Variants in ATG3 observed in about 807,000 individuals in gnomAD.
The protein encoded by ATG3 is autophagy related 3.
A neutral mutation model predicts 50.7 loss-of-function variants in ATG3; 25 were observed. The ratio of observed to expected loss-of-function variants is 0.49; its 90% CI spans 0.36 to 0.69. The LOEUF (loss-of-function observed/expected upper bound fraction) is 0.69. Among genes scored for constraint, ATG3 ranks in the 30% least tolerant of loss-of-function variants. The pLI, the probability that ATG3 is intolerant of heterozygous loss-of-function variation, is 0.00. For synonymous variants in ATG3, 119 were observed against 125.5 expected (o/e 0.95, Z 0.34); for missense variants, 281 against 376.0 (o/e 0.75, Z 2.09).
chr3:112,536,396 T>C (rs751469094), intron 10 of ATG3, 79 bp downstream of exon 10: 6 of 1,544,642 alleles, frequency 3.9e-6, no homozygotes, highest in Non-Finnish European at 5.3e-6. Context: ...TAGGGTTCTA[T>C]GTTTAAAGAT....
chr3:112,560,943 C>T (rs1253020016), intron 1 of ATG3, among the ~76,000 whole-genome samples: 1 of 152,092 alleles, frequency 6.6e-6, no homozygotes, highest in Non-Finnish European at 1.5e-5. Flanking sequence ...GATAATGTTG[C>T]CAATTTCACC....
chr3:112,549,804 A>C (rs565463930), intron 4 of ATG3, among the ~76,000 whole-genome samples: 23,619 of 150,648 alleles, frequency 0.16, 4,421 homozygotes, highest in African/African-American at 0.44. Context: ...CAACCAAAAA[A>C]AAAAAAAAAA....
chr3:112,552,654 T>A (rs1178510675), intron 3 of ATG3, among the ~76,000 whole-genome samples: 1 of 149,884 alleles, frequency 6.7e-6, no homozygotes, highest in Non-Finnish European at 1.5e-5. Flanking sequence ...CAAAAATTTT[T>A]TTTTTTTTTT....
intron 4 of ATG3, among the ~76,000 whole-genome samples, chr3:112,549,797 CCA>C (rs1559846842): frequency 1.1e-3 from 28 of 26,416 alleles, no homozygotes; most frequent in African/African-American, 3.7e-3. Context: ...CTCAAAACAA[CCA>C]AAAAAAAAAA....
chr3:112,543,941 T>TA, intron 6 of ATG3, 116 bp downstream of exon 6: 3 of 712,866 alleles, frequency 4.2e-6, no homozygotes, highest in Non-Finnish European at 6.5e-6. Flanking sequence ...AGCTTGATAA[T>TA]AAAAAACCAG....
intron 9 of ATG3, 99 bp downstream of exon 9, chr3:112,537,636 T>C (rs1409961868): frequency 1.1e-6 from 1 of 887,772 alleles, no homozygotes; most frequent in African/African-American, 1.7e-5. Flanking sequence ...TTCCAAAATG[T>C]GAAACACTGC....
chr3:112,534,183 T>C (rs774621761), intron 11 of ATG3, 86 bp downstream of exon 11: 18 of 1,548,126 alleles, frequency 1.2e-5, no homozygotes, highest in Admixed American at 4.3e-5. Flanking sequence ...TTATAGCTAC[T>C]GTATCATTAA....
chr3:112,557,358 G>A (rs1459769886), intron 2 of ATG3, among the ~76,000 whole-genome samples: 4 of 151,730 alleles, frequency 2.6e-5, no homozygotes, highest in East Asian at 2.0e-4. Context: ...ACAAGGAGCC[G>A]GGCGCAGTGG....
chr3:112,545,843 G>T (rs1020311273), intron 5 of ATG3, among the ~76,000 whole-genome samples: 5 of 152,134 alleles, frequency 3.3e-5, no homozygotes, highest in African/African-American at 1.2e-4. Context: ...GCACCCAGAT[G>T]TTTGGTCAAA....
chr3:112,561,715 C>T lies in ATG3; in HGVS notation c.-187G>A, dbSNP rs1933895771. ...AGGGGGCGGGGCGGCAGGCACAGCG[C>T]GCGAAGACGGGGTGCGCGATCCTCG... On this transcript the variant is annotated 5_prime_UTR_variant, in exon 1 of 12. Coordinates refer to ENST00000283290, the MANE Select transcript of ATG3 (RefSeq NM_022488.5). 6.6e-6 allele frequency: 4 copies of T among 605,870 alleles called. No homozygotes were observed. The highest frequency in any genetic ancestry group is 3.2e-5 in the East Asian group (1 of 31,532). The allele number at this position is 605,870 out of a possible 1,614,324, so 37.5% of individuals were successfully genotyped here. A position where few individuals can be genotyped will look rare whatever the true frequency, so the allele number is the denominator to read the frequency against.
chr3:112,548,819 G>T (rs1220664695), intron 4 of ATG3, among the ~76,000 whole-genome samples, 179 bp from the exon 5 acceptor site: 1 of 152,142 alleles, frequency 6.6e-6, no homozygotes, highest in Admixed American at 6.5e-5. Context: ...ATAATTATTT[G>T]GCTACATTTA....
Position 112,541,991 on chromosome 3 carries a change from A to G in ATG3, c.394-107T>C, listed in dbSNP as rs569564481. The G allele has an allele frequency of 1.2e-4, 97 of 792,670 alleles. 1 individual carries two copies. The South Asian group carries it at 2.0e-3, about 16-fold the overall frequency. 49.1% of individuals were successfully genotyped at this position (792,670 alleles called of 1,614,324 possible). On this transcript the variant is annotated intron_variant, in intron 6 of 11. Coordinates refer to ENST00000283290, the MANE Select transcript of ATG3 (RefSeq NM_022488.5). ...AACCACTGTGAAAATAAGAATGACA[A>G]GGCAGTTCTTGTCCACAAAAACCTT...
At chr3:112,550,322 C>G (rs1007486011) in intron 3 of ATG3, 60 bp from the exon 4 acceptor site, 12 of 1,280,360 alleles carry the variant, frequency 9.4e-6, no homozygotes, top group South Asian at 2.5e-5. Context: ...AAATATACAG[C>G]AGAAAGTATT....
intron 11 of ATG3, chr3:112,533,400 G>A: frequency 1.0e-6 from 1 of 985,218 alleles, no homozygotes; most frequent in Non-Finnish European, 1.2e-6. Context: ...CAGCAGAGAT[G>A]TGCCAGTTAG....
intron 7 of ATG3, among the ~76,000 whole-genome samples, chr3:112,540,124 G>A (rs1933186606): frequency 1.3e-5 from 2 of 152,218 alleles, no homozygotes; most frequent in South Asian, 4.1e-4. Flanking sequence ...TGAGGCTGCT[G>A]TGATCAATTT....
intron 1 of ATG3, among the ~76,000 whole-genome samples, chr3:112,560,871 G>T (rs535976856): frequency 6.6e-6 from 1 of 152,282 alleles, no homozygotes; most frequent in South Asian, 2.1e-4. Context: ...ACCAGCTACG[G>T]CTATCTGAAA....
At chr3:112,539,020 T>A (rs1933151714) in intron 7 of ATG3, among the ~76,000 whole-genome samples, 1 of 152,186 alleles carries the variant, frequency 6.6e-6, no homozygotes. Context: ...ACATATGACA[T>A]CCAATCCAGC....
At chr3:112,547,282 C>A (rs1933395734) in intron 5 of ATG3, among the ~76,000 whole-genome samples, 1 of 152,118 alleles carries the variant, frequency 6.6e-6, no homozygotes. Flanking sequence ...GTTGAGAAAC[C>A]CTGTTCTATT....
chr3:112,554,878 T>C (rs1230285029), intron 2 of ATG3, among the ~76,000 whole-genome samples: 2 of 152,228 alleles, frequency 1.3e-5, no homozygotes, highest in Admixed American at 6.5e-5. Flanking sequence ...AGAAACTTTA[T>C]GTTTCTGTTC....
Sources: gnomAD v4.1 joint callset for allele counts (sites outside exome capture counted in the v4.1 genomes callset) on GRCh38, gnomAD v4.1.1 for gene constraint, MANE v1.5 for transcripts, NCBI Gene and HGNC (gene_info 2026-07-23, HGNC 2026-07-21) for gene names.